Variants in GLDC observed in about 807,000 individuals in gnomAD.
GLDC encodes glycine dehydrogenase (decarboxylating), mitochondrial.
In GLDC, 104 loss-of-function variants were observed where a neutral mutation model predicts 121.3. That is an observed-to-expected ratio of 0.86 (90% CI 0.73 to 1.01). The LOEUF is 1.01. Among genes scored for constraint, GLDC ranks in the 50% least tolerant of loss-of-function variants. The pLI is 0.00. For synonymous variants in GLDC, 546 were observed against 480.6 expected, an observed-to-expected ratio of 1.14 and a Z score of -1.78; for missense variants, 1,429 against 1,306.6, an observed-to-expected ratio of 1.09 and a Z score of -1.44.
chr9:6,643,299 C>T (rs1298439215), intron 2 of GLDC, among the ~76,000 whole-genome samples: 1 of 151,602 alleles, frequency 6.6e-6, no homozygotes, highest in Non-Finnish European at 1.5e-5. Context: ...TTTCAACGAC[C>T]ATCAGATTTG....
Position 6,588,462 on chromosome 9 carries a change from A to G in GLDC, c.1666-20T>C, listed in dbSNP as rs912148549. 2 of 1,601,258 alleles carry G rather than the reference A, an allele frequency of 1.2e-6. No homozygotes were observed. Among genetic ancestry groups the G allele is most frequent in the Admixed American group, 1.7e-5 (1 of 60,002 alleles). ...GGATCCCTTTAAGAAGAACATCCAA[A>G]ATGTATCACATTAGTGATTTTCTAT... On this transcript the variant is annotated intron_variant, in intron 13 of 24. Transcript: ENST00000321612.
At chr9:6,556,641 A>C (rs1817636974) in intron 17 of GLDC, among the ~76,000 whole-genome samples, 2 of 152,098 alleles carry the variant, frequency 1.3e-5, no homozygotes, top group South Asian at 4.1e-4. Flanking sequence ...AAAAATACAA[A>C]GATTAGCCGA....
intron 17 of GLDC, among the ~76,000 whole-genome samples, chr9:6,557,192 G>A (rs1817651601): frequency 6.6e-6 from 1 of 151,970 alleles, no homozygotes; most frequent in South Asian, 2.1e-4. Context: ...AATGATACAT[G>A]CTTGAGATGA....
intron 21 of GLDC, among the ~76,000 whole-genome samples, chr9:6,549,810 C>A (rs1587919494): frequency 1.3e-5 from 2 of 152,086 alleles, no homozygotes; most frequent in South Asian, 4.1e-4. Flanking sequence ...CAGCCCCTTG[C>A]TACCTCTAAG....
intron 21 of GLDC, chr9:6,541,727 C>T (rs922448313): frequency 1.4e-5 from 2 of 142,272 alleles, no homozygotes; most frequent in South Asian, 4.4e-4. Context: ...ACTCGGGAGA[C>T]TGAGTGAGAG....
chr9:6,629,955 A>ATG (rs1367658538), intron 2 of GLDC, among the ~76,000 whole-genome samples: 8 of 84,390 alleles, frequency 9.5e-5, no homozygotes, highest in South Asian at 8.0e-4. Context: ...GTATATATAT[A>ATG]TATTTTTTTT....
chr9:6,564,512 C>T (rs988453488), intron 16 of GLDC, among the ~76,000 whole-genome samples: 49 of 152,206 alleles, frequency 3.2e-4, no homozygotes, highest in Non-Finnish European at 4.3e-4. Context: ...AGCCAGCCAG[C>T]ACCACCCTAT....
intron 18 of GLDC, 198 bp from the exon 19 acceptor site, chr9:6,554,979 T>G: frequency 1.6e-6 from 1 of 635,278 alleles, no homozygotes; most frequent in Non-Finnish European, 2.8e-6. Context: ...GCAGAGTGCT[T>G]GTGGTTGCTA....
At chr9:6,538,892 T>C (rs1411271452) in intron 22 of GLDC, among the ~76,000 whole-genome samples, 1 of 152,196 alleles carries the variant, frequency 6.6e-6, no homozygotes, top group Non-Finnish European at 1.5e-5. Context: ...ATCTTGAGGA[T>C]GGGATTGGTA....
At chr9:6,579,447 G>A (rs930044268) in intron 15 of GLDC, among the ~76,000 whole-genome samples, 1 of 151,764 alleles carries the variant, frequency 6.6e-6, no homozygotes, top group Non-Finnish European at 1.5e-5. Flanking sequence ...TTTTTGTTTT[G>A]GAATATTTCC....
At chr9:6,575,008 C>T (rs1818036358) in intron 15 of GLDC, among the ~76,000 whole-genome samples, 1 of 152,080 alleles carries the variant, frequency 6.6e-6, no homozygotes, top group African/African-American at 2.4e-5. Flanking sequence ...CCCAGTGATG[C>T]ACATTAGAAT....
chr9:6,592,749 A>G, intron 10 of GLDC, 102 bp downstream of exon 10: 2 of 1,157,438 alleles, frequency 1.7e-6, no homozygotes, highest in East Asian at 2.4e-5. Flanking sequence ...GACTGTGCCT[A>G]AAGTTTTCCT....
At chr9:6,573,792 C>A (rs553712432) in intron 15 of GLDC, among the ~76,000 whole-genome samples, 15 of 152,332 alleles carry the variant, frequency 9.8e-5, no homozygotes, top group African/African-American at 3.1e-4. Context: ...TGACCCACTT[C>A]AGTTCATGGC....
chr9:6,553,453 T>C lies in GLDC; in HGVS notation c.2372A>G (p.Asn791Ser). Residue 791 changes from asparagine to serine, a missense_variant, in exon 20 of 25, where the codon AAT (asparagine) becomes AGT (serine). By Grantham distance (46) the Asn-to-Ser change is conservative. Coordinates refer to ENST00000321612, the MANE Select transcript of GLDC (RefSeq NM_000170.3). ...GGTTCCCACAGGACAGGCATCCTCATTCCGCTTTAGTGAAATGACGGGATG... is the reference window on the plus strand; with the variant it reads ...GGTTCCCACAGGACAGGCATCCTCACTCCGCTTTAGTGAAATGACGGGATG... ...PNHPVISLKRNEDACPVGTVS... is the reference protein window; with the variant it reads ...PNHPVISLKRSEDACPVGTVS... The C allele has an allele frequency of 2.5e-6, 4 of 1,613,902 alleles. No individual in the cohort carries two copies. The African/African-American group carries it at 5.3e-5, about 22-fold the overall frequency.
chr9:6,587,092 G>A lies in GLDC; in HGVS notation c.1850+49C>T, dbSNP rs537977832. On this transcript the variant is annotated intron_variant, in intron 15 of 24. Coordinates refer to ENST00000321612, the MANE Select transcript of GLDC (RefSeq NM_000170.3). ...TAAGCCTTTAAGTTTTGTGGTGTAT[G>A]CTATACAAGAATAGATTGCTGAAAC... 2.7e-6 allele frequency: 4 copies of A among 1,492,126 alleles called. No individual in the cohort carries two copies. In the South Asian group the frequency reaches 4.5e-5, roughly 17 times the overall value. 92.4% of individuals were successfully genotyped at this position (1,492,126 alleles called of 1,614,324 possible).
rs113067442 is a variant in GLDC at position 6,604,507 on chromosome 9, G to C, written c.1058+81C>G. ...ACTCAACATGGCCCAGTTGAATTCA[G>C]ATAGAAATCAACATTTGTGATCAGA... On this transcript the variant is annotated intron_variant, in intron 7 of 24. Transcript: ENST00000321612. 5,303 of 1,277,674 alleles carry C rather than the reference G, an allele frequency of 4.2e-3. 144 individuals carry two copies. In the African/African-American group the frequency reaches 0.065, roughly 16 times the overall value. The allele number at this position is 1,277,674 out of a possible 1,614,324, so 79.1% of individuals were successfully genotyped here.
At position 6,532,469 on chromosome 9, in the gene GLDC, C is replaced by G. The variant is rs540075890; in HGVS notation, c.*548G>C. ...AGTACACCAAGAGAAAGGCATTCTT[C>G]CGATCAAGATGCTTTTATTAGAATA... On this transcript the variant is annotated 3_prime_UTR_variant, in exon 25 of 25. Coordinates refer to ENST00000321612, the MANE Select transcript of GLDC (RefSeq NM_000170.3). The G allele has an allele frequency of 1.3e-5, 2 of 156,156 alleles. No homozygotes were observed. Among genetic ancestry groups the G allele is most frequent in the African/African-American group, 4.9e-5 (2 of 41,204 alleles). The allele number at this position is 156,156 out of a possible 1,614,324, so 9.7% of individuals were successfully genotyped here. A position where few individuals can be genotyped will look rare whatever the true frequency, so the allele number is the denominator to read the frequency against.
chr9:6,570,854 CAAAAA>C (rs34740127), intron 15 of GLDC, among the ~76,000 whole-genome samples: 1 of 99,508 alleles, frequency 1.0e-5, no homozygotes. Context: ...AACTCTGTCT[CAAAAA>C]AAAAAAAAAA....
At chr9:6,583,132 C>CA in intron 15 of GLDC, among the ~76,000 whole-genome samples, 1 of 152,166 alleles carries the variant, frequency 6.6e-6, no homozygotes, top group Admixed American at 6.5e-5. Context: ...TTAAATGGTG[C>CA]AACCCCTGCA....
Sources: gnomAD v4.1 joint callset for allele counts (sites outside exome capture counted in the v4.1 genomes callset) on GRCh38, gnomAD v4.1.1 for gene constraint, MANE v1.5 for transcripts, NCBI Gene and HGNC (gene_info 2026-07-23, HGNC 2026-07-21) for gene names.